The following ZNF18 variants were observed in gnomAD, a reference collection of about 807,000 sequenced individuals.
The protein encoded by ZNF18 is heart development-specific gene 1 protein.
In ZNF18, 42 loss-of-function variants were observed where a neutral mutation model predicts 58.1. The ratio of observed to expected loss-of-function variants is 0.72; its 90% CI spans 0.56 to 0.93. The LOEUF is 0.93. Ranked by LOEUF, ZNF18 falls within the 40% of genes least tolerant of loss-of-function variation. ZNF18 has a pLI of 0.00. For synonymous variants in ZNF18, 231 were observed against 239.8 expected, an observed-to-expected ratio of 0.96 and a Z score of 0.34; for missense variants, 540 against 644.2, an observed-to-expected ratio of 0.84 and a Z score of 1.75.
the ZNF18 span, among the ~76,000 whole-genome samples, chr17:12,009,876 A>G: frequency 6.6e-6 from 1 of 152,216 alleles, no homozygotes; most frequent in African/African-American, 2.4e-5. Flanking sequence ...CTATTAACAT[A>G]TATTCCTAGA....
chr17:11,991,278 AAG>A (rs1968111331), intron 2 of ZNF18, 115 bp from the exon 3 acceptor site: 2 of 1,008,422 alleles, frequency 2.0e-6, no homozygotes, highest in African/African-American at 3.2e-5. Flanking sequence ...GATGTGGAGA[AAG>A]AGAAAACCAG....
chr17:12,020,806 G>A, the ZNF18 span: 1 of 601,124 alleles, frequency 1.7e-6, no homozygotes, highest in East Asian at 3.7e-5. Context: ...GCGGGGGTAA[G>A]CCTCGCCCCT....
chr17:11,980,380 T>C (rs537584891), intron 6 of ZNF18, among the ~76,000 whole-genome samples: 1 of 152,182 alleles, frequency 6.6e-6, no homozygotes, highest in Non-Finnish European at 1.5e-5. Context: ...TTTCTTTAAC[T>C]CTTTCTATAT....
the ZNF18 span, among the ~76,000 whole-genome samples, chr17:12,016,444 C>T: frequency 6.6e-6 from 1 of 152,168 alleles, no homozygotes. Context: ...ATTCTCCTGC[C>T]TCAGCCTCCT....
the ZNF18 span, among the ~76,000 whole-genome samples, chr17:12,010,288 G>T: frequency 6.6e-6 from 1 of 152,068 alleles, no homozygotes; most frequent in South Asian, 2.1e-4. Context: ...GCCAAGAATA[G>T]AAACTCAGTA....
At chr17:12,020,937 C>T in the ZNF18 span, 2 of 1,216,874 alleles carry the variant, frequency 1.6e-6, no homozygotes, top group African/African-American at 3.1e-5. Flanking sequence ...GCGGCAGCGG[C>T]AGCGGCACCC....
At chr17:11,982,648 A>C (rs1247020986) in intron 6 of ZNF18, among the ~76,000 whole-genome samples, 3 of 136,252 alleles carry the variant, frequency 2.2e-5, no homozygotes, top group Non-Finnish European at 4.9e-5. Context: ...GATTTACTGT[A>C]TATATAAAAG....
the ZNF18 span, among the ~76,000 whole-genome samples, chr17:12,015,078 T>C: frequency 6.6e-6 from 1 of 152,076 alleles, no homozygotes; most frequent in Non-Finnish European, 1.5e-5. Context: ...CACTGAATTA[T>C]ATACTATAAG....
the ZNF18 span, among the ~76,000 whole-genome samples, chr17:12,007,179 T>C: frequency 6.6e-6 from 1 of 152,174 alleles, no homozygotes; most frequent in Non-Finnish European, 1.5e-5. Flanking sequence ...CACCACCAAA[T>C]GCTGAGACAT....
At position 11,991,065 on chromosome 17, in the gene ZNF18, A is replaced by AGGCACCACTTCAAGATGG; in HGVS notation, c.468_485dup (p.His157_Pro162dup). Reference sequence around the variant, plus strand: ...ATGAATTCTCAAGTCCCAACTCCTGAGGCACCACTTCAAGATGGGGCTCCA... The same window carrying AGGCACCACTTCAAGATGG: ...ATGAATTCTCAAGTCCCAACTCCTGAGGCACCACTTCAAGATGGGGCACCACTTCAAGATGGGGCTCCA... On this transcript the variant is annotated inframe_insertion, in exon 3 of 7. Coordinates refer to ENST00000580306, the MANE Select transcript of ZNF18 (RefSeq NM_001303281.2). The AGGCACCACTTCAAGATGG allele has an allele frequency of 6.2e-7, 1 of 1,614,130 alleles. No homozygotes were observed. The highest frequency in any genetic ancestry group is 8.5e-7 in the Non-Finnish European group (1 of 1,180,010).
chr17:11,982,984 A>G (rs1267923874), intron 6 of ZNF18, among the ~76,000 whole-genome samples: 4 of 152,156 alleles, frequency 2.6e-5, no homozygotes, highest in East Asian at 1.9e-4. Flanking sequence ...ATTCTACTCT[A>G]TTTGTATTGG....
chr17:11,992,981 T>C, intron 1 of ZNF18, 70 bp from the exon 2 acceptor site: 1 of 903,142 alleles, frequency 1.1e-6, no homozygotes, highest in Non-Finnish European at 1.6e-6. Flanking sequence ...CAAATTCACA[T>C]GCCCTACCCG....
chr17:11,997,658 G>A (rs1968564866), upstream of ZNF18: 1 of 152,248 alleles, frequency 6.6e-6, no homozygotes, highest in South Asian at 2.1e-4. Context: ...GCCATCCTCC[G>A]TTCCTTCCGT....
upstream of ZNF18, among the ~76,000 whole-genome samples, chr17:12,000,008 G>A (rs918399228): frequency 2.6e-5 from 4 of 152,056 alleles, no homozygotes; most frequent in South Asian, 2.1e-4. Flanking sequence ...TGCAACCTCC[G>A]ACTCCAGGTT....
the ZNF18 span, among the ~76,000 whole-genome samples, chr17:12,016,865 A>G: frequency 2.0e-5 from 3 of 152,118 alleles, no homozygotes; most frequent in Admixed American, 2.0e-4. Flanking sequence ...ACATTTTCTT[A>G]TAAATCTTTA....
At chr17:12,017,730 A>T in the ZNF18 span, among the ~76,000 whole-genome samples, 2 of 151,910 alleles carry the variant, frequency 1.3e-5, no homozygotes, top group Non-Finnish European at 2.9e-5. Flanking sequence ...GTAAAAAATT[A>T]ACCAGGTGTG....
chr17:11,984,146 T>C lies in ZNF18; in HGVS notation c.718A>G (p.Met240Val), dbSNP rs1967564083. ...ACCATTTTCCCATAGGTCTCCAGCA[T>C]GAGATCCCAGTATTGCTCCTTTTGA... is the stretch of plus-strand genomic sequence containing the variant. ...STQKEQYWDL[M>V]LETYGKMVSG... Residue 240 changes from methionine (M) to valine (V), a missense_variant, in exon 5 of 7, where the codon ATG (methionine) becomes GTG (valine). By Grantham distance (21) the Met-to-Val change is conservative. Coordinates refer to ENST00000580306, the MANE Select transcript of ZNF18 (RefSeq NM_001303281.2). 1 of 1,607,900 alleles carries C rather than the reference T, an allele frequency of 6.2e-7. No homozygotes were observed. The highest frequency in any genetic ancestry group is 1.1e-5 in the South Asian group (1 of 90,918).
At chr17:12,015,525 T>C in the ZNF18 span, among the ~76,000 whole-genome samples, 5 of 152,336 alleles carry the variant, frequency 3.3e-5, no homozygotes, top group African/African-American at 9.6e-5. Context: ...ACATTTTTAG[T>C]TTTGTTATGT....
chr17:11,994,583 T>G (rs748123804), intron 1 of ZNF18, among the ~76,000 whole-genome samples: 1 of 152,234 alleles, frequency 6.6e-6, no homozygotes, highest in Non-Finnish European at 1.5e-5. Flanking sequence ...GGCTCACGCC[T>G]GTAATCCCAG....
Sources: gnomAD v4.1 joint callset for allele counts (sites outside exome capture counted in the v4.1 genomes callset) on GRCh38, gnomAD v4.1.1 for gene constraint, MANE v1.5 for transcripts, NCBI Gene and HGNC (gene_info 2026-07-23, HGNC 2026-07-21) for gene names.